The following PLAA variants were observed in gnomAD, a reference collection of about 807,000 sequenced individuals.
PLAA encodes the protein phospholipase A2 activating protein.
PLAA carries 48 observed loss-of-function variants against 84.1 expected under a neutral mutation model. The ratio of observed to expected loss-of-function variants is 0.57; its 90% CI spans 0.45 to 0.73. The LOEUF (loss-of-function observed/expected upper bound fraction) is 0.73, where lower values mean the gene tolerates loss of function less well. Among genes scored for constraint, PLAA ranks in the 30% least tolerant of loss-of-function variants. PLAA has a pLI of 0.00. For synonymous variants in PLAA, 392 were observed against 336.6 expected (o/e 1.16, Z -1.80); for missense variants, 903 against 954.7 (o/e 0.95, Z 0.71).
chr9:26,908,118 C>T (rs1430889949), intron 12 of PLAA, 120 bp from the exon 13 acceptor site: 1 of 613,318 alleles, frequency 1.6e-6, no homozygotes, highest in African/African-American at 1.9e-5. Context: ...AGACTTTACT[C>T]AGCAATTATC....
In PLAA at chr9:26,946,923, G is replaced by A. The variant is rs764450867; in HGVS notation, c.123C>T (p.Arg41=). ...PGAFVSVSRD[R]TTRLWAPDSP... ...TGTCTGGGGCCCAGAGGCGGGTGGT[G>A]CGGTCTCGGGACACGGACACAAAGG... is the stretch of plus-strand genomic sequence containing the variant. Residue 41 remains arginine, a synonymous_variant, in exon 1 of 14, where the codon CGC becomes CGT. Coordinates refer to ENST00000397292, the MANE Select transcript of PLAA (RefSeq NM_001031689.3). The A allele has an allele frequency of 1.3e-6, 2 of 1,577,852 alleles. No homozygotes were observed. Among genetic ancestry groups the A allele is most frequent in the Admixed American group, 1.8e-5 (1 of 55,476 alleles).
chr9:26,935,884 T>C (rs1186001224), intron 1 of PLAA, among the ~76,000 whole-genome samples: 1 of 151,030 alleles, frequency 6.6e-6, no homozygotes, highest in Non-Finnish European at 1.5e-5. Flanking sequence ...TATAATTATA[T>C]ATATCAATGA....
chr9:26,931,368 T>C (rs926263200), intron 2 of PLAA, among the ~76,000 whole-genome samples: 1 of 152,166 alleles, frequency 6.6e-6, no homozygotes, highest in African/African-American at 2.4e-5. Context: ...TAAACCTTAA[T>C]AAAATATTGA....
chr9:26,936,303 A>G (rs1014939940), intron 1 of PLAA, among the ~76,000 whole-genome samples: 11 of 152,218 alleles, frequency 7.2e-5, no homozygotes, highest in African/African-American at 2.2e-4. Context: ...ACAGAAAAGT[A>G]GTAAGGGCCT....
intron 1 of PLAA, among the ~76,000 whole-genome samples, chr9:26,941,700 C>T (rs1825549510): frequency 6.6e-6 from 1 of 151,330 alleles, no homozygotes; most frequent in Non-Finnish European, 1.5e-5. Context: ...GATATTGCAA[C>T]CATGAAACAA....
chr9:26,947,198 G>A lies in PLAA; in HGVS notation c.-153C>T. 2 of 887,120 alleles carry A rather than the reference G, an allele frequency of 2.3e-6. No homozygotes were observed. The highest frequency in any genetic ancestry group is 2.0e-5 in the South Asian group (1 of 51,054). The allele number at this position is 887,120 out of a possible 1,614,324, so 55.0% of individuals were successfully genotyped here. A position where few individuals can be genotyped will look rare whatever the true frequency, so the allele number is the denominator to read the frequency against. On this transcript the variant is annotated 5_prime_UTR_variant, in exon 1 of 14. Coordinates refer to ENST00000397292, the MANE Select transcript of PLAA (RefSeq NM_001031689.3). ...GCCCGAGAGCCGGTACGGAAGGGCG[G>A]CTGGGAAGGGGCGCGCCGAGCGGGC...
chr9:26,907,386 G>A (rs537891813), intron 13 of PLAA, among the ~76,000 whole-genome samples: 5 of 152,114 alleles, frequency 3.3e-5, no homozygotes, highest in East Asian at 1.9e-4. Context: ...AAAATTAGCC[G>A]GGCATGGTGG....
chr9:26,933,293 C>T (rs1264784437), intron 2 of PLAA, among the ~76,000 whole-genome samples: 4 of 146,594 alleles, frequency 2.7e-5, no homozygotes, highest in Non-Finnish European at 6.0e-5. Flanking sequence ...AAAAAAGCTG[C>T]GCATGGTGGT....
chr9:26,937,748 A>G (rs923601037), intron 1 of PLAA, among the ~76,000 whole-genome samples: 1 of 152,202 alleles, frequency 6.6e-6, no homozygotes, highest in African/African-American at 2.4e-5. Context: ...GAAAGGTATG[A>G]TAACTGAAAT....
rs938593423 is a variant in PLAA at position 26,904,696 on chromosome 9, T to A, written c.*815A>T. On this transcript the variant is annotated 3_prime_UTR_variant, in exon 14 of 14. Coordinates refer to ENST00000397292, the MANE Select transcript of PLAA (RefSeq NM_001031689.3). ...GGTTCTAGACTTTCAAATAATACAG[T>A]TTGATGTACTCTTGCTTATGTAACC... is the stretch of plus-strand genomic sequence containing the variant. The A allele has an allele frequency of 1.3e-5, 2 of 152,144 alleles. No homozygotes were observed. The highest frequency in any genetic ancestry group is 4.8e-5 in the African/African-American group (2 of 41,432). The allele number at this position is 152,144 out of a possible 1,614,324, so 9.4% of individuals were successfully genotyped here. A position where few individuals can be genotyped will look rare whatever the true frequency, so the allele number is the denominator to read the frequency against.
At chr9:26,944,659 C>A (rs1563922916) in intron 1 of PLAA, among the ~76,000 whole-genome samples, 1 of 152,204 alleles carries the variant, frequency 6.6e-6, no homozygotes, top group South Asian at 2.1e-4. Context: ...TTGGGCCACT[C>A]TTACAGCCAC....
At chr9:26,926,740 T>C (rs926761441) in intron 4 of PLAA, among the ~76,000 whole-genome samples, 180 bp from the exon 5 acceptor site, 1 of 152,060 alleles carries the variant, frequency 6.6e-6, no homozygotes, top group African/African-American at 2.4e-5. Flanking sequence ...TTTAGCAATA[T>C]TTTTTTATCA....
chr9:26,911,022 A>C (rs2131367962), intron 11 of PLAA, among the ~76,000 whole-genome samples: 1 of 151,698 alleles, frequency 6.6e-6, no homozygotes, highest in South Asian at 2.1e-4. Flanking sequence ...CAAGTTGTAA[A>C]TCCCTGAAGG....
At chr9:26,932,050 T>A (rs1266116494) in intron 2 of PLAA, among the ~76,000 whole-genome samples, 2 of 152,078 alleles carry the variant, frequency 1.3e-5, no homozygotes, top group African/African-American at 2.4e-5. Flanking sequence ...ATTGCACCAC[T>A]GCACTCCAGG....
chr9:26,942,528 A>T (rs1035702998), intron 1 of PLAA, among the ~76,000 whole-genome samples: 3 of 152,256 alleles, frequency 2.0e-5, no homozygotes, highest in Non-Finnish European at 4.4e-5. Flanking sequence ...AGCCACATGC[A>T]GATCATAAAA....
At chr9:26,915,857 G>C in intron 10 of PLAA, 2 of 985,324 alleles carry the variant, frequency 2.0e-6, no homozygotes, top group Non-Finnish European at 2.4e-6. Flanking sequence ...CAGAAAAAAA[G>C]CCGCCAAAGT....
chr9:26,941,067 T>G (rs1277651945), intron 1 of PLAA, among the ~76,000 whole-genome samples: 2 of 151,956 alleles, frequency 1.3e-5, no homozygotes, highest in Non-Finnish European at 2.9e-5. Context: ...AGGTTCTTTG[T>G]GTCTTCCCAA....
In PLAA at chr9:26,906,092, A is replaced by G; in HGVS notation, c.1823-16T>C. 1 of 1,409,054 alleles carries G rather than the reference A, an allele frequency of 7.1e-7. No individual in the cohort carries two copies. The highest frequency in any genetic ancestry group is 9.4e-7 in the Non-Finnish European group (1 of 1,061,716). 87.3% of individuals were successfully genotyped at this position (1,409,054 alleles called of 1,614,324 possible). A position where few individuals can be genotyped will look rare whatever the true frequency, so the allele number is the denominator to read the frequency against. ...AAGACAATATCTATTAAAAAAAAAAAGTCATTAATGCTTATGAAAATAAAG... is the reference window on the plus strand; with the variant it reads ...AAGACAATATCTATTAAAAAAAAAAGGTCATTAATGCTTATGAAAATAAAG... On this transcript the variant is annotated splice_polypyrimidine_tract_variant and intron_variant, in intron 13 of 13. Transcript: ENST00000397292.
At chr9:26,935,841 C>T (rs1219883751) in intron 1 of PLAA, among the ~76,000 whole-genome samples, 1 of 150,558 alleles carries the variant, frequency 6.6e-6, no homozygotes, top group Non-Finnish European at 1.5e-5. Flanking sequence ...ATATAAATGG[C>T]TAGAGTAATA....
Sources: allele counts gnomAD v4.1 joint callset (sites outside exome capture counted in the v4.1 genomes callset), GRCh38; gene constraint gnomAD v4.1.1; transcripts MANE v1.5; gene names NCBI Gene and HGNC (gene_info 2026-07-23, HGNC 2026-07-21).